Variants in HDAC8 observed in about 807,000 individuals in gnomAD.
HDAC8 encodes histone deacetylase 8, also known as histone deacetylase-like 1.
Under a neutral mutation model 32.2 loss-of-function variants are expected in HDAC8, and 1 was observed. That is an observed-to-expected ratio of 0.03 (90% CI 0.01 to 0.15). The LOEUF (loss-of-function observed/expected upper bound fraction) is 0.15. HDAC8 is among the 10% of genes least tolerant of loss of function. HDAC8 has a pLI of 1.00. For missense variants in HDAC8, 117 were observed against 300.0 expected, an observed-to-expected ratio of 0.39 and a Z score of 4.51; for synonymous variants, 108 against 113.9, an observed-to-expected ratio of 0.95 and a Z score of 0.33.
intron 9 of HDAC8, among the ~76,000 whole-genome samples, chrX:72,425,945 C>T (rs1388293393): frequency 4.5e-5 from 5 of 112,060 alleles, no homozygotes; most frequent in Non-Finnish European, 7.5e-5. Flanking sequence ...TTGAGACAAC[C>T]TGCACATATC....
At chrX:72,419,903 C>A (rs2046439482) in intron 9 of HDAC8, among the ~76,000 whole-genome samples, 1 of 111,279 alleles carries the variant, frequency 9.0e-6, no homozygotes, top group Non-Finnish European at 1.9e-5. Flanking sequence ...TGATGCATTT[C>A]ATTGATCGAT....
At chrX:72,443,152 C>A (rs1353287804) in intron 9 of HDAC8, among the ~76,000 whole-genome samples, 18 of 110,575 alleles carry the variant, frequency 1.6e-4, no homozygotes, top group African/African-American at 5.6e-4. Context: ...ACAAGGATAC[C>A]CAGGAATGAA....
At chrX:72,514,735 A>C (rs1257814966) in intron 4 of HDAC8, among the ~76,000 whole-genome samples, 1 of 111,234 alleles carries the variant, frequency 9.0e-6, no homozygotes, top group African/African-American at 3.3e-5. Flanking sequence ...ATGGACAGAG[A>C]GGTTAGAACA....
At chrX:72,396,896 A>T (rs1409038181) in intron 9 of HDAC8, among the ~76,000 whole-genome samples, 1 of 111,858 alleles carries the variant, frequency 8.9e-6, no homozygotes, top group Non-Finnish European at 1.9e-5. Context: ...GCTGTTCTTG[A>T]ATTGCTACAA....
chrX:72,460,863 C>G (rs1320622196), intron 9 of HDAC8, among the ~76,000 whole-genome samples: 1 of 111,802 alleles, frequency 8.9e-6, no homozygotes, highest in Non-Finnish European at 1.9e-5. Flanking sequence ...ATTAAGCTTC[C>G]AAATACTGAA....
chrX:72,528,237 T>C (rs1047951199), intron 4 of HDAC8, among the ~76,000 whole-genome samples: 1 of 111,464 alleles, frequency 9.0e-6, no homozygotes, highest in Non-Finnish European at 1.9e-5. Context: ...CATCTCTATC[T>C]CAACCCCCTA....
Position 72,572,658 on chromosome X carries a change from G to A in HDAC8, c.104C>T (p.Pro35Leu), listed in dbSNP as rs782296225. The change falls in exon 1 of 11, where the codon CCC becomes CTC. Residue 35 changes from proline (P) to leucine (L), a missense_variant. Pro to Leu is a moderately conservative substitution (Grantham distance 98). Transcript: ENST00000373573. Reference protein sequence around the residue: ...VSMCDSLAKIPKRASMVHSLI... With the variant: ...VSMCDSLAKILKRASMVHSLI... Reference sequence around the variant, plus strand: ...CATCCCGACTTCCCTTACCCGTTTGGGGATCTTGGCCAGGGAGTCACACAT... The same window carrying A: ...CATCCCGACTTCCCTTACCCGTTTGAGGATCTTGGCCAGGGAGTCACACAT... 6.1e-6 allele frequency: 7 copies of A among 1,156,686 alleles called. No homozygotes were observed. Among genetic ancestry groups the A allele is most frequent in the Non-Finnish European group, 8.1e-6 (7 of 861,873 alleles).
At chrX:72,450,932 C>T (rs2047554171) in intron 9 of HDAC8, among the ~76,000 whole-genome samples, 1 of 111,197 alleles carries the variant, frequency 9.0e-6, no homozygotes, top group African/African-American at 3.3e-5. Flanking sequence ...AAATATGAAA[C>T]TTTTTGAGTC....
rs149426489 is a variant in HDAC8 at position 72,491,175 on chromosome X, G to A, written c.551-169C>T. On this transcript the variant is annotated intron_variant, in intron 5 of 10. Transcript: ENST00000373573. ...ATACGAACCTCTGGTCTCTAATCTC[G>A]TAATTACAAGATGAGGTAGAACTTT... Among the ~76,000 whole-genome samples the A allele has an allele frequency of 8.9e-3, 993 of 111,872 alleles. 18 individuals carry two copies. Among genetic ancestry groups the A allele is most frequent in the African/African-American group, 0.03 (932 of 30,821 alleles).
At chrX:72,388,371 T>C (rs1450454299) in intron 9 of HDAC8, among the ~76,000 whole-genome samples, 1 of 109,624 alleles carries the variant, frequency 9.1e-6, no homozygotes, top group Non-Finnish European at 1.9e-5. Context: ...TCCCTCAGTG[T>C]TCCCTTTATT....
chrX:72,568,711 A>T, intron 3 of HDAC8, 43 bp downstream of exon 3: 4 of 1,190,203 alleles, frequency 3.4e-6, no homozygotes, highest in Non-Finnish European at 4.5e-6. Context: ...TATAAAAAAA[A>T]TTAGTCTGTC....
chrX:72,396,999 T>G (rs782820817), intron 9 of HDAC8, among the ~76,000 whole-genome samples: 20 of 111,757 alleles, frequency 1.8e-4, no homozygotes, highest in Non-Finnish European at 3.0e-4. Flanking sequence ...GCCAGGCATC[T>G]GCTTGGCTTC....
chrX:72,505,974 C>T (rs1207939452), intron 4 of HDAC8, among the ~76,000 whole-genome samples: 1 of 111,672 alleles, frequency 9.0e-6, no homozygotes, highest in Non-Finnish European at 1.9e-5. Context: ...TTCTCCCTCC[C>T]ACCTGACTCA....
At chrX:72,559,509 G>A (rs1248236065) in intron 4 of HDAC8, among the ~76,000 whole-genome samples, 1 of 111,634 alleles carries the variant, frequency 9.0e-6, no homozygotes, top group East Asian at 2.9e-4. Context: ...GGGAAGTGAG[G>A]AGCGTCTCTG....
chrX:72,395,481 A>G (rs2045735802), intron 9 of HDAC8, among the ~76,000 whole-genome samples: 1 of 112,141 alleles, frequency 8.9e-6, no homozygotes, highest in Non-Finnish European at 1.9e-5. Context: ...CTTTAATTTA[A>G]CCCTTAGTCC....
At chrX:72,498,107 C>T (rs2049084743) in intron 4 of HDAC8, among the ~76,000 whole-genome samples, 2 of 103,116 alleles carry the variant, frequency 1.9e-5, no homozygotes, top group Non-Finnish European at 3.9e-5. Flanking sequence ...CCAAAAAGAA[C>T]TTTAGTATCA....
intron 9 of HDAC8, among the ~76,000 whole-genome samples, chrX:72,444,562 A>G (rs1555983709): frequency 9.7e-6 from 1 of 103,401 alleles, no homozygotes; most frequent in African/African-American, 3.5e-5. Context: ...ATCTATGACA[A>G]ACCCACAGCC....
intron 4 of HDAC8, among the ~76,000 whole-genome samples, chrX:72,533,828 A>C (rs2050429806): frequency 9.0e-6 from 1 of 111,416 alleles, no homozygotes; most frequent in Non-Finnish European, 1.9e-5. Flanking sequence ...TCACGATATA[A>C]ACACTCACTA....
Position 72,568,043 on chromosome X carries a change from A to G in HDAC8, c.296-13T>C. ...GGGCAGTCATAACCTTAGGGCAAAA[A>G]TCAGAAGAGCTGGTTAAAAGGTGAA... is the stretch of plus-strand genomic sequence containing the variant. On this transcript the variant is annotated splice_polypyrimidine_tract_variant and intron_variant, in intron 3 of 10. Coordinates refer to ENST00000373573, the MANE Select transcript of HDAC8 (RefSeq NM_018486.3). 1.7e-6 allele frequency: 2 copies of G among 1,204,194 alleles called. No homozygotes were observed. Among genetic ancestry groups the G allele is most frequent in the Non-Finnish European group, 2.2e-6 (2 of 889,146 alleles).
Sources: gnomAD v4.1 joint callset for allele counts (sites outside exome capture counted in the v4.1 genomes callset) on GRCh38, gnomAD v4.1.1 for gene constraint, MANE v1.5 for transcripts, NCBI Gene and HGNC (gene_info 2026-07-23, HGNC 2026-07-21) for gene names.